The following SLF2 variants were observed in gnomAD, a reference collection of about 807,000 sequenced individuals.
The protein encoded by SLF2 is SMC5-SMC6 complex localization factor protein 2.
A neutral mutation model predicts 124.3 loss-of-function variants in SLF2; 68 were observed. That is an observed-to-expected ratio of 0.55 (90% CI 0.45 to 0.67). SLF2 has a LOEUF of 0.67. Among genes scored for constraint, SLF2 ranks in the 30% least tolerant of loss-of-function variants. The pLI, the probability that SLF2 is intolerant of heterozygous loss-of-function variation, is 0.00. For missense variants in SLF2, 1,246 were observed against 1,373.7 expected (o/e 0.91, Z 1.47); for synonymous variants, 480 against 478.8 (o/e 1.00, Z -0.03).
chr10:100,937,136 A>G (rs980668662), intron 9 of SLF2, among the ~76,000 whole-genome samples: 1 of 151,976 alleles, frequency 6.6e-6, no homozygotes, highest in Admixed American at 6.6e-5. Context: ...CCTGGTCTCA[A>G]CCAGTCCTCC....
intron 11 of SLF2, among the ~76,000 whole-genome samples, chr10:100,943,380 G>A (rs1473445712): frequency 6.6e-6 from 1 of 152,170 alleles, no homozygotes; most frequent in Admixed American, 6.5e-5. Flanking sequence ...GGAAACGAGT[G>A]GTTATAAAGA....
At chr10:100,943,957 C>G in intron 11 of SLF2, 69 bp from the exon 12 acceptor site, 1 of 955,690 alleles carries the variant, frequency 1.0e-6, no homozygotes. Flanking sequence ...AAAAAGTAGC[C>G]CAGAATTTCT....
intron 1 of SLF2, 165 bp downstream of exon 1, chr10:100,913,415 G>A: frequency 7.4e-7 from 1 of 1,346,860 alleles, no homozygotes; most frequent in Non-Finnish European, 9.5e-7. Flanking sequence ...GGGGCTACTG[G>A]GAGTTGGAGT....
At position 100,918,460 on chromosome 10, in the gene SLF2, T is replaced by G. The variant is rs570253853; in HGVS notation, c.973+19T>G. ...ACTTCAGGTAGAATCAAAATTAAAT[T>G]TATGGATTTCTAAATAAATTTCCAT... On this transcript the variant is annotated intron_variant, in intron 4 of 19. Coordinates refer to ENST00000238961, the MANE Select transcript of SLF2 (RefSeq NM_018121.4). 6.6e-7 allele frequency: 1 copy of G among 1,521,364 alleles called. No homozygotes were observed. The highest frequency in any genetic ancestry group is 8.9e-7 in the Non-Finnish European group (1 of 1,121,182). 94.2% of individuals were successfully genotyped at this position (1,521,364 alleles called of 1,614,324 possible). A position where few individuals can be genotyped will look rare whatever the true frequency, so the allele number is the denominator to read the frequency against.
chr10:100,942,304 T>G (rs1180632973), intron 11 of SLF2, among the ~76,000 whole-genome samples: 4 of 152,120 alleles, frequency 2.6e-5, no homozygotes. Context: ...CCTACAGTCC[T>G]CCTCCCATTT....
chr10:100,959,137 T>G (rs1850383486), intron 18 of SLF2, among the ~76,000 whole-genome samples: 1 of 152,212 alleles, frequency 6.6e-6, no homozygotes, highest in African/African-American at 2.4e-5. Context: ...TAAAGTTAAG[T>G]TCCTTTGAAG....
At chr10:100,939,290 C>T (rs1195722260) in intron 11 of SLF2, among the ~76,000 whole-genome samples, 1 of 152,034 alleles carries the variant, frequency 6.6e-6, no homozygotes, top group Non-Finnish European at 1.5e-5. Context: ...GAGGCCAAGG[C>T]AGGAGAATCA....
chr10:100,931,665 CT>C (rs1215882299), intron 9 of SLF2, among the ~76,000 whole-genome samples: 3 of 152,202 alleles, frequency 2.0e-5, no homozygotes, highest in Admixed American at 6.5e-5. Context: ...TACTTCGGAC[CT>C]TCATGCAGAT....
chr10:100,942,428 T>A (rs1425031882), intron 11 of SLF2, among the ~76,000 whole-genome samples: 2 of 152,296 alleles, frequency 1.3e-5, no homozygotes, highest in East Asian at 3.9e-4. Flanking sequence ...AGAGATACGT[T>A]GCGCAAGGTA....
chr10:100,917,448 T>C, intron 3 of SLF2, 148 bp downstream of exon 3: 1 of 899,130 alleles, frequency 1.1e-6, no homozygotes, highest in Non-Finnish European at 1.6e-6. Flanking sequence ...GCTGGTTTCA[T>C]TACATTTCCT....
chr10:100,940,581 C>T (rs888746371), intron 11 of SLF2, among the ~76,000 whole-genome samples: 2 of 152,082 alleles, frequency 1.3e-5, no homozygotes, highest in South Asian at 2.1e-4. Flanking sequence ...AGGCTGGTCT[C>T]GAACCCCTGA....
intron 10 of SLF2, 146 bp from the exon 11 acceptor site, chr10:100,938,449 A>G (rs1356944443): frequency 1.4e-6 from 1 of 697,812 alleles, no homozygotes. Context: ...TGATCATCCT[A>G]TAACTGTATT....
At position 100,916,052 on chromosome 10, in the gene SLF2, C is replaced by G; in HGVS notation, c.184+10C>G. On this transcript the variant is annotated intron_variant, in intron 2 of 19. Transcript: ENST00000238961. ...CCAGCTTCAAAACAAGGTATGTACA[C>G]TGTTGATGCATTTTTTGTGGGCTAT... 1 of 1,605,268 alleles carries G rather than the reference C, an allele frequency of 6.2e-7. No homozygotes were observed. The highest frequency in any genetic ancestry group is 8.5e-7 in the Non-Finnish European group (1 of 1,174,236).
chr10:100,916,236 T>C (rs1424906167), intron 2 of SLF2, among the ~76,000 whole-genome samples, 194 bp downstream of exon 2: 1 of 152,188 alleles, frequency 6.6e-6, no homozygotes, highest in Non-Finnish European at 1.5e-5. Flanking sequence ...GCTGTTATGT[T>C]TTCTTACATT....
At chr10:100,928,068 CGAGAGAGAGACA>C (rs1160077185) in intron 6 of SLF2, among the ~76,000 whole-genome samples, 1 of 59,534 alleles carries the variant, frequency 1.7e-5, no homozygotes, top group African/African-American at 5.6e-5. Flanking sequence ...CACACACACA[CGAGAGAGAGACA>C]GAGAGAGAGA....
At chr10:100,956,619 T>C (rs551226011) in intron 18 of SLF2, 82 bp downstream of exon 18, 24 of 1,023,532 alleles carry the variant, frequency 2.3e-5, no homozygotes, top group Admixed American at 1.2e-4. Flanking sequence ...CATACAGGCC[T>C]ATATTCAGAA....
At chr10:100,954,819 G>A (rs1364362800) in intron 17 of SLF2, among the ~76,000 whole-genome samples, 1 of 152,098 alleles carries the variant, frequency 6.6e-6, no homozygotes, top group African/African-American at 2.4e-5. Context: ...GCACGTACCT[G>A]TAGTCCCAGC....
In SLF2 at chr10:100,916,825, C is replaced by T. The variant is rs879203048; in HGVS notation, c.440C>T (p.Thr147Ile). ...GCCTCCAAATATTTAGCCAAAGGAA[C>T]AAATATCTATGTTCCTTCTTCATAT... ...SLASKYLAKG[T>I]NIYVPSSYHL... is the part of the protein sequence containing the mutation. Residue 147 changes from threonine to isoleucine, a missense_variant, in exon 3 of 20, where the codon ACA becomes ATA. Coordinates refer to ENST00000238961, the MANE Select transcript of SLF2 (RefSeq NM_018121.4). The T allele has an allele frequency of 3.1e-6, 5 of 1,613,964 alleles. No individual in the cohort carries two copies. Among genetic ancestry groups the T allele is most frequent in the Non-Finnish European group, 4.2e-6 (5 of 1,180,014 alleles).
chr10:100,913,343 C>G, intron 1 of SLF2, 93 bp downstream of exon 1: 3 of 1,382,534 alleles, frequency 2.2e-6, no homozygotes, highest in Non-Finnish European at 2.8e-6. Flanking sequence ...TTCCCGCCAT[C>G]CTCCGCGAGC....
Sources: gnomAD v4.1 joint callset for allele counts (sites outside exome capture counted in the v4.1 genomes callset) on GRCh38, gnomAD v4.1.1 for gene constraint, MANE v1.5 for transcripts, NCBI Gene and HGNC (gene_info 2026-07-23, HGNC 2026-07-21) for gene names.